The following AGBL4 variants were observed in gnomAD, a reference collection of about 807,000 sequenced individuals.
AGBL4 encodes the protein AGBL carboxypeptidase 4.
In AGBL4, 58 loss-of-function variants were observed where a neutral mutation model predicts 66.4. The ratio of observed to expected loss-of-function variants is 0.87; its 90% CI spans 0.71 to 1.09. The LOEUF (loss-of-function observed/expected upper bound fraction) is 1.09. Ranked by LOEUF, AGBL4 falls within the 50% of genes least tolerant of loss-of-function variation. AGBL4 has a pLI of 0.00. For synonymous variants in AGBL4, 234 were observed against 222.9 expected, an observed-to-expected ratio of 1.05 and a Z score of -0.44; for missense variants, 579 against 631.0, an observed-to-expected ratio of 0.92 and a Z score of 0.88.
chr1:49,234,203 C>G lies in AGBL4; in HGVS notation c.377+11567G>C, dbSNP rs550077357. Among the ~76,000 whole-genome samples the G allele has an allele frequency of 9.2e-5, 14 of 152,214 alleles. No individual in the cohort carries two copies. The South Asian group carries it at 2.9e-3, about 32-fold the overall frequency. The stretch of plus-strand genomic sequence containing the variant: ...TACAGTTGGCCTACCCAAACATAGG[C>G]AGGCACTGGGACACGAAAAATAAAT... On this transcript the variant is annotated intron_variant, in intron 4 of 13. Coordinates refer to ENST00000371839, the MANE Select transcript of AGBL4 (RefSeq NM_032785.4).
At chr1:48,569,417 C>G (rs113232532) in intron 11 of AGBL4, among the ~76,000 whole-genome samples, 3 of 152,236 alleles carry the variant, frequency 2.0e-5, no homozygotes, top group African/African-American at 7.2e-5. Flanking sequence ...AAACCCAGAG[C>G]GGGAAAATGG....
chr1:48,582,992 C>T (rs1266607103), intron 11 of AGBL4, among the ~76,000 whole-genome samples: 1 of 152,150 alleles, frequency 6.6e-6, no homozygotes, highest in Non-Finnish European at 1.5e-5. Context: ...CAGCCCCAGC[C>T]CTTCCTGATG....
intron 3 of AGBL4, among the ~76,000 whole-genome samples, chr1:49,356,264 CT>C (rs1644018223): frequency 6.6e-6 from 1 of 152,182 alleles, no homozygotes; most frequent in African/African-American, 2.4e-5. Flanking sequence ...TTCATCATGA[CT>C]TCTTTTTGTA....
chr1:49,506,088 G>T (rs1048406737), intron 3 of AGBL4, among the ~76,000 whole-genome samples: 1 of 151,700 alleles, frequency 6.6e-6, no homozygotes, highest in African/African-American at 2.4e-5. Flanking sequence ...CTCTCTCAGG[G>T]AAACAATAAG....
At chr1:49,324,985 T>C (rs1645200374) in intron 3 of AGBL4, among the ~76,000 whole-genome samples, 1 of 152,188 alleles carries the variant, frequency 6.6e-6, no homozygotes, top group Non-Finnish European at 1.5e-5. Context: ...TCAAGGAATT[T>C]ATCCATAACT....
chr1:49,625,697 G>C (rs1645451930), intron 3 of AGBL4, among the ~76,000 whole-genome samples: 1 of 152,168 alleles, frequency 6.6e-6, no homozygotes, highest in Non-Finnish European at 1.5e-5. Flanking sequence ...CATGGCTCCA[G>C]AGAGCTGAGC....
chr1:48,880,282 C>T (rs1469546659), intron 5 of AGBL4, among the ~76,000 whole-genome samples: 3 of 152,140 alleles, frequency 2.0e-5, no homozygotes, highest in South Asian at 2.1e-4. Flanking sequence ...CAGGTCACTG[C>T]GAATGCCATT....
chr1:49,395,592 CTGTG>C (rs971136157), intron 3 of AGBL4, among the ~76,000 whole-genome samples: 1 of 138,308 alleles, frequency 7.2e-6, no homozygotes, highest in African/African-American at 2.7e-5. Context: ...GTGTGTGTGT[CTGTG>C]TGTGTAGTGA....
chr1:49,420,145 C>T (rs940831524), intron 3 of AGBL4, among the ~76,000 whole-genome samples: 3 of 152,168 alleles, frequency 2.0e-5, no homozygotes, highest in African/African-American at 4.8e-5. Context: ...ATTTATCCAA[C>T]TTTTGGTCTT....
chr1:49,691,747 G>A (rs1196827876), intron 3 of AGBL4, among the ~76,000 whole-genome samples: 1 of 152,030 alleles, frequency 6.6e-6, no homozygotes, highest in African/African-American at 2.4e-5. Context: ...ATCTGGGTGG[G>A]CACAATGTAA....
At chr1:48,986,818 A>T (rs1334544138) in intron 5 of AGBL4, among the ~76,000 whole-genome samples, 1 of 152,094 alleles carries the variant, frequency 6.6e-6, no homozygotes, top group Non-Finnish European at 1.5e-5. Context: ...TATTCAAATA[A>T]AATAATAACA....
At chr1:49,599,370 G>C (rs1411202981) in intron 3 of AGBL4, among the ~76,000 whole-genome samples, 1 of 152,156 alleles carries the variant, frequency 6.6e-6, no homozygotes, top group Non-Finnish European at 1.5e-5. Flanking sequence ...ATTTCACCTA[G>C]ATTTTCTAGT....
At chr1:48,813,941 G>A (rs1045083724) in intron 6 of AGBL4, among the ~76,000 whole-genome samples, 2 of 151,392 alleles carry the variant, frequency 1.3e-5, no homozygotes, top group African/African-American at 4.9e-5. Flanking sequence ...ACTGGGATTT[G>A]GAGCCAAAAT....
chr1:49,095,250 C>T (rs564093472), intron 4 of AGBL4, among the ~76,000 whole-genome samples: 5 of 152,266 alleles, frequency 3.3e-5, no homozygotes, highest in African/African-American at 1.2e-4. Context: ...ATGCAAATGA[C>T]CATACTGCTC....
chr1:49,947,223 C>T (rs1431370496), intron 1 of AGBL4, among the ~76,000 whole-genome samples: 1 of 151,772 alleles, frequency 6.6e-6, no homozygotes, highest in Non-Finnish European at 1.5e-5. Context: ...ATACCAAAAC[C>T]ACGGAAGCAC....
At chr1:49,986,897 G>A (rs1446605936) in intron 1 of AGBL4, among the ~76,000 whole-genome samples, 1 of 151,986 alleles carries the variant, frequency 6.6e-6, no homozygotes, top group East Asian at 1.9e-4. Context: ...TGAGTTATCT[G>A]TTATTCCAAA....
chr1:48,808,130 A>G (rs1225442372), intron 6 of AGBL4, among the ~76,000 whole-genome samples: 1 of 152,176 alleles, frequency 6.6e-6, no homozygotes, highest in Non-Finnish European at 1.5e-5. Context: ...GAGATCTGCC[A>G]TTCTCAAGGT....
chr1:49,549,730 C>T (rs566183399), intron 3 of AGBL4, among the ~76,000 whole-genome samples: 9 of 152,194 alleles, frequency 5.9e-5, no homozygotes, highest in Non-Finnish European at 1.3e-4. Context: ...AAGTTCCATG[C>T]ACTGTAGAAT....
intron 2 of AGBL4, among the ~76,000 whole-genome samples, chr1:49,774,771 G>A (rs974160011): frequency 3.9e-5 from 6 of 152,072 alleles, no homozygotes; most frequent in African/African-American, 9.7e-5. Context: ...TGAAGAAATC[G>A]AAATTCTCAT....
Sources: gnomAD v4.1 joint callset for allele counts (sites outside exome capture counted in the v4.1 genomes callset) on GRCh38, gnomAD v4.1.1 for gene constraint, MANE v1.5 for transcripts, NCBI Gene and HGNC (gene_info 2026-07-23, HGNC 2026-07-21) for gene names.